The following KCNC2 variants were observed in gnomAD, a reference collection of about 807,000 sequenced individuals.
KCNC2 encodes potassium voltage-gated channel subfamily C member 2, also known as voltage-gated potassium channel KCNC2.
KCNC2 carries 21 observed loss-of-function variants against 44.5 expected under a neutral mutation model. The observed-to-expected ratio is 0.47, with a 90% CI of 0.33 to 0.68. The LOEUF (loss-of-function observed/expected upper bound fraction) is 0.68, where lower values mean the gene tolerates loss of function less well. KCNC2 is among the 30% of genes least tolerant of loss of function. The pLI, the probability that KCNC2 is intolerant of heterozygous loss-of-function variation, is 0.01. For synonymous variants in KCNC2, 391 were observed against 339.1 expected (o/e 1.15, Z -1.68); for missense variants, 589 against 826.2 (o/e 0.71, Z 3.52).
intron 2 of KCNC2, among the ~76,000 whole-genome samples, chr12:75,122,939 T>C (rs1020606698): frequency 3.9e-5 from 6 of 152,190 alleles, no homozygotes; most frequent in African/African-American, 1.4e-4. Flanking sequence ...AAGGCTATTT[T>C]ATCCACTTTT....
At chr12:75,149,070 AG>A (rs538597932) in intron 2 of KCNC2, among the ~76,000 whole-genome samples, 579 of 151,920 alleles carry the variant, frequency 3.8e-3, no homozygotes, top group Non-Finnish European at 6.9e-3. Flanking sequence ...CCAGAATATT[AG>A]AATGTGAAAC....
At chr12:75,094,113 G>A (rs1885721534) in intron 2 of KCNC2, among the ~76,000 whole-genome samples, 3 of 151,622 alleles carry the variant, frequency 2.0e-5, no homozygotes, top group Non-Finnish European at 4.4e-5. Context: ...TTTAGATACT[G>A]GTTCACCATT....
intron 2 of KCNC2, among the ~76,000 whole-genome samples, chr12:75,081,204 G>C (rs1884471687): frequency 6.6e-6 from 1 of 151,794 alleles, no homozygotes; most frequent in Non-Finnish European, 1.5e-5. Context: ...TATTCAAACT[G>C]AACCAAATCC....
intron 2 of KCNC2, among the ~76,000 whole-genome samples, chr12:75,129,859 T>C (rs1395708958): frequency 1.3e-5 from 2 of 152,208 alleles, no homozygotes; most frequent in African/African-American, 4.8e-5. Context: ...TATGGCAGCA[T>C]GGCAATTTAG....
intron 2 of KCNC2, among the ~76,000 whole-genome samples, chr12:75,190,520 T>C (rs1054337055): frequency 2.0e-5 from 3 of 152,188 alleles, no homozygotes; most frequent in African/African-American, 7.2e-5. Flanking sequence ...TCTATCCTCT[T>C]TGTTTGCCTA....
At chr12:75,184,873 T>C (rs2137668659) in intron 2 of KCNC2, among the ~76,000 whole-genome samples, 1 of 152,308 alleles carries the variant, frequency 6.6e-6, no homozygotes, top group South Asian at 2.1e-4. Context: ...TAAATAATTA[T>C]GGTGGTTACT....
chr12:75,163,599 T>TA (rs1236069108), intron 2 of KCNC2, among the ~76,000 whole-genome samples: 1 of 151,690 alleles, frequency 6.6e-6, no homozygotes, highest in Non-Finnish European at 1.5e-5. Flanking sequence ...GACAGATATA[T>TA]AAAAAACGTA....
chr12:75,193,653 A>G (rs1188399863), intron 2 of KCNC2, among the ~76,000 whole-genome samples: 1 of 152,210 alleles, frequency 6.6e-6, no homozygotes, highest in East Asian at 1.9e-4. Context: ...CATGGAGAAA[A>G]AGAAAAAGGA....
At chr12:75,048,654 T>C (rs1037387200) in intron 3 of KCNC2, among the ~76,000 whole-genome samples, 35 of 152,142 alleles carry the variant, frequency 2.3e-4, no homozygotes, top group African/African-American at 8.4e-4. Context: ...TTTGACGTTA[T>C]CTATTTACTC....
At position 75,079,926 on chromosome 12, in the gene KCNC2, C is replaced by CT. The variant is rs1443034594; in HGVS notation, c.688-28610dup. Reference sequence around the variant, plus strand: ...ACAATGTGATTCCCTGTTAATGTCTCTGAGTCCTTCCCACATTTCATCAGA... The same window carrying CT: ...ACAATGTGATTCCCTGTTAATGTCTCTTGAGTCCTTCCCACATTTCATCAGA... On this transcript the variant is annotated intron_variant, in intron 2 of 4. Coordinates refer to ENST00000549446, the MANE Select transcript of KCNC2 (RefSeq NM_139137.4). Among the ~76,000 whole-genome samples, 3 of 152,214 alleles carry CT rather than the reference C, an allele frequency of 2.0e-5. No homozygotes were observed. In the East Asian group the frequency reaches 5.8e-4, roughly 29 times the overall value.
chr12:75,138,919 T>G (rs906873522), intron 2 of KCNC2, among the ~76,000 whole-genome samples: 1 of 141,628 alleles, frequency 7.1e-6, no homozygotes, highest in African/African-American at 2.7e-5. Flanking sequence ...AGGCGGAGCT[T>G]GCAGTGAGCG....
At chr12:75,196,427 C>T (rs554144182) in intron 2 of KCNC2, among the ~76,000 whole-genome samples, 24 of 152,132 alleles carry the variant, frequency 1.6e-4, no homozygotes, top group Middle Eastern at 3.4e-3. Flanking sequence ...CTACTATAAA[C>T]GCCTCACCTC....
chr12:75,115,870 G>A (rs1379969), intron 2 of KCNC2, among the ~76,000 whole-genome samples: 17,364 of 151,994 alleles, frequency 0.11, 1,144 homozygotes, highest in African/African-American at 0.16. Flanking sequence ...ACAATATTGT[G>A]CATACCTGAA....
intron 2 of KCNC2, among the ~76,000 whole-genome samples, chr12:75,158,680 T>C (rs1484555159): frequency 6.6e-6 from 1 of 151,854 alleles, no homozygotes; most frequent in Non-Finnish European, 1.5e-5. Context: ...TCCAACAAAG[T>C]TACTTTGATT....
At chr12:75,206,326 T>C (rs1414583269) in intron 2 of KCNC2, among the ~76,000 whole-genome samples, 1 of 152,204 alleles carries the variant, frequency 6.6e-6, no homozygotes, top group Non-Finnish European at 1.5e-5. Flanking sequence ...ATTCACATAC[T>C]GTATAATTTT....
In KCNC2 at chr12:75,042,191, T is replaced by A. The variant is rs1264573611; in HGVS notation, c.*914A>T. 3.0e-6 allele frequency: 4 copies of A among 1,323,740 alleles called. No homozygotes were observed. The highest frequency in any genetic ancestry group is 3.9e-6 in the Non-Finnish European group (4 of 1,028,960). 82.0% of individuals were successfully genotyped at this position (1,323,740 alleles called of 1,614,324 possible). A position where few individuals can be genotyped will look rare whatever the true frequency, so the allele number is the denominator to read the frequency against. On this transcript the variant is annotated 3_prime_UTR_variant, in exon 5 of 5. Transcript: ENST00000549446. Reference sequence around the variant, plus strand: ...TTTGGCACTCTGCCTCTGAAAATGATGACAAACCCTGGGTATTTTTTTTTT... The same window carrying A: ...TTTGGCACTCTGCCTCTGAAAATGAAGACAAACCCTGGGTATTTTTTTTTT...
At chr12:75,146,721 T>C (rs867751123) in intron 2 of KCNC2, among the ~76,000 whole-genome samples, 1 of 152,238 alleles carries the variant, frequency 6.6e-6, no homozygotes, top group African/African-American at 2.4e-5. Context: ...AATTGATCTG[T>C]GTAGCAACTG....
At chr12:75,081,427 C>G (rs1199517700) in intron 2 of KCNC2, among the ~76,000 whole-genome samples, 12 of 66,062 alleles carry the variant, frequency 1.8e-4, no homozygotes, top group Non-Finnish European at 1.5e-4. Flanking sequence ...TTTTTTTTTG[C>G]CTTTGATGCC....
At chr12:75,191,375 G>A (rs1487135556) in intron 2 of KCNC2, among the ~76,000 whole-genome samples, 1 of 151,020 alleles carries the variant, frequency 6.6e-6, no homozygotes, top group Non-Finnish European at 1.5e-5. Flanking sequence ...AATATTTTCT[G>A]AATTTTCCAT....
Sources: gnomAD v4.1 joint callset for allele counts (sites outside exome capture counted in the v4.1 genomes callset) on GRCh38, gnomAD v4.1.1 for gene constraint, MANE v1.5 for transcripts, NCBI Gene and HGNC (gene_info 2026-07-23, HGNC 2026-07-21) for gene names.